DSCAM: variants seen among roughly 807,000 people sequenced by gnomAD.
DSCAM encodes cell adhesion molecule DSCAM.
In DSCAM, 47 loss-of-function variants were observed where a neutral mutation model predicts 217.7. The observed-to-expected ratio is 0.22, with a 90% CI of 0.17 to 0.28. The LOEUF is 0.28. DSCAM is among the 10% of genes least tolerant of loss of function. The pLI is 1.00. For synonymous variants in DSCAM, 1,056 were observed against 1,015.3 expected, an observed-to-expected ratio of 1.04 and a Z score of -0.76; for missense variants, 2,080 against 2,618.3, an observed-to-expected ratio of 0.79 and a Z score of 4.49.
intron 3 of DSCAM, among the ~76,000 whole-genome samples, chr21:40,559,346 T>G (rs1434255624): frequency 2.0e-5 from 3 of 151,380 alleles, no homozygotes; most frequent in African/African-American, 7.3e-5. Context: ...TAGTCCCAGC[T>G]ACTGGGGAGG....
At chr21:40,490,181 C>T (rs1421323696) in intron 3 of DSCAM, among the ~76,000 whole-genome samples, 1 of 152,068 alleles carries the variant, frequency 6.6e-6, no homozygotes, top group East Asian at 1.9e-4. Context: ...CAGGAAAGAC[C>T]CACCCCCATG....
intron 9 of DSCAM, among the ~76,000 whole-genome samples, chr21:40,301,722 T>A (rs749341580): frequency 2.3e-4 from 35 of 152,314 alleles, no homozygotes; most frequent in Non-Finnish European, 4.0e-4. Flanking sequence ...ACAGCACAGA[T>A]CTGCAGTACA....
At chr21:40,202,356 G>A (rs529350628) in intron 11 of DSCAM, among the ~76,000 whole-genome samples, 1 of 152,332 alleles carries the variant, frequency 6.6e-6, no homozygotes, top group South Asian at 2.1e-4. Flanking sequence ...GAGAAACAGA[G>A]AAGATAAATC....
intron 10 of DSCAM, among the ~76,000 whole-genome samples, chr21:40,292,523 A>G (rs953804542): frequency 6.6e-6 from 1 of 152,026 alleles, no homozygotes; most frequent in African/African-American, 2.4e-5. Flanking sequence ...CCTAATATCC[A>G]GTATTATTTT....
intron 3 of DSCAM, among the ~76,000 whole-genome samples, chr21:40,432,103 T>A (rs2075538779): frequency 6.6e-6 from 1 of 152,068 alleles, no homozygotes; most frequent in South Asian, 2.1e-4. Context: ...CTTGGGAGGC[T>A]GAGGCAGGAG....
intron 30 of DSCAM, among the ~76,000 whole-genome samples, chr21:40,044,587 T>C (rs2088813175): frequency 1.3e-5 from 2 of 152,036 alleles, no homozygotes; most frequent in African/African-American, 2.4e-5. Context: ...AAGCTAGAAA[T>C]GGAATGAGGG....
intron 3 of DSCAM, among the ~76,000 whole-genome samples, chr21:40,488,763 T>A (rs930286001): frequency 1.3e-5 from 2 of 152,200 alleles, no homozygotes; most frequent in African/African-American, 4.8e-5. Flanking sequence ...CTTGAAAGAT[T>A]AAGCAAATGG....
intron 3 of DSCAM, among the ~76,000 whole-genome samples, chr21:40,431,603 C>T (rs1371757898): frequency 6.6e-6 from 1 of 152,078 alleles, no homozygotes; most frequent in African/African-American, 2.4e-5. Context: ...TTTTTTTATT[C>T]CTTATGATTT....
chr21:40,767,299 G>A (rs938613486), intron 1 of DSCAM, among the ~76,000 whole-genome samples: 24 of 152,144 alleles, frequency 1.6e-4, no homozygotes, highest in African/African-American at 5.8e-4. Flanking sequence ...TGAAATAAGG[G>A]TCGTAGAATT....
chr21:40,829,689 T>C (rs2898425), intron 1 of DSCAM, among the ~76,000 whole-genome samples: 110,794 of 152,056 alleles, frequency 0.73, 40,562 homozygotes, highest in African/African-American at 0.78. Context: ...TAGTGTTGTC[T>C]GCTGAAATTT....
At chr21:40,638,167 A>G (rs2089832258) in intron 3 of DSCAM, among the ~76,000 whole-genome samples, 1 of 152,120 alleles carries the variant, frequency 6.6e-6, no homozygotes, top group East Asian at 1.9e-4. Context: ...TTAATCTTTG[A>G]TTTGTAATAA....
chr21:40,336,880 G>A (rs1025564905), intron 8 of DSCAM, among the ~76,000 whole-genome samples: 2 of 152,154 alleles, frequency 1.3e-5, no homozygotes, highest in African/African-American at 2.4e-5. Flanking sequence ...TTCTGTAAAT[G>A]AGGATTAAAT....
At chr21:40,193,084 GATT>G (rs753643969) in intron 11 of DSCAM, among the ~76,000 whole-genome samples, 19 of 152,168 alleles carry the variant, frequency 1.2e-4, no homozygotes, top group Non-Finnish European at 2.5e-4. Context: ...GAGGTGTTAA[GATT>G]CAGCATTTAT....
At chr21:40,377,329 G>A (rs879637421) in intron 3 of DSCAM, among the ~76,000 whole-genome samples, 2 of 152,096 alleles carry the variant, frequency 1.3e-5, no homozygotes, top group African/African-American at 2.4e-5. Flanking sequence ...CACGCAAATC[G>A]CTCCCCTGGG....
intron 10 of DSCAM, among the ~76,000 whole-genome samples, chr21:40,285,774 T>C (rs1261576524): frequency 1.3e-5 from 2 of 152,210 alleles, no homozygotes; most frequent in South Asian, 2.1e-4. Context: ...ATTTTTACCA[T>C]GTGTGCCATA....
chr21:40,434,035 G>A (rs1015884562), intron 3 of DSCAM, among the ~76,000 whole-genome samples: 4 of 152,230 alleles, frequency 2.6e-5, no homozygotes, highest in South Asian at 2.1e-4. Flanking sequence ...CATCTAGACC[G>A]CCTTTCTTCT....
At chr21:40,104,422 C>T (rs1355303652) in intron 20 of DSCAM, among the ~76,000 whole-genome samples, 1 of 152,102 alleles carries the variant, frequency 6.6e-6, no homozygotes, top group Non-Finnish European at 1.5e-5. Flanking sequence ...TACAATATGT[C>T]TGTGTCAGGC....
intron 11 of DSCAM, among the ~76,000 whole-genome samples, chr21:40,202,264 T>C (rs150931249): frequency 1.3e-5 from 2 of 152,354 alleles, no homozygotes; most frequent in East Asian, 1.9e-4. Flanking sequence ...TCCATGTGGC[T>C]TGGGGACAGA....
chr21:40,349,421 C>T (rs964672585), intron 5 of DSCAM, among the ~76,000 whole-genome samples: 2 of 152,110 alleles, frequency 1.3e-5, no homozygotes, highest in Admixed American at 6.5e-5. Context: ...AACTCTCATC[C>T]TCGCCTTGCT....
Sources: allele counts gnomAD v4.1 joint callset (sites outside exome capture counted in the v4.1 genomes callset), GRCh38; gene constraint gnomAD v4.1.1; transcripts MANE v1.5; gene names NCBI Gene and HGNC (gene_info 2026-07-23, HGNC 2026-07-21).